ROBO2: variants seen among roughly 807,000 people sequenced by gnomAD.
ROBO2 encodes roundabout homolog 2.
ROBO2 carries 53 observed loss-of-function variants against 160.8 expected under a neutral mutation model. The observed-to-expected ratio is 0.33, with a 90% confidence interval of 0.26 to 0.41. The LOEUF (loss-of-function observed/expected upper bound fraction) is 0.41. Ranked by LOEUF, ROBO2 falls within the 10% of genes least tolerant of loss-of-function variation. The pLI, the probability that ROBO2 is intolerant of heterozygous loss-of-function variation, is 1.00. For missense variants in ROBO2, 1,577 were observed against 1,722.4 expected (o/e 0.92, Z 1.49); for synonymous variants, 664 against 611.7 (o/e 1.09, Z -1.26).
chr3:76,294,518 A>G (rs1708971315), intron 2 of ROBO2, among the ~76,000 whole-genome samples: 1 of 152,056 alleles, frequency 6.6e-6, no homozygotes, highest in Non-Finnish European at 1.5e-5. Context: ...GCTATTTTCC[A>G]TTGAGCTCAT....
intron 2 of ROBO2, among the ~76,000 whole-genome samples, chr3:77,211,646 G>T (rs1183365206): frequency 2.0e-5 from 3 of 152,148 alleles, no homozygotes; most frequent in Non-Finnish European, 4.4e-5. Flanking sequence ...TGAAGTCCTT[G>T]CCCATGCCTA....
chr3:76,398,933 A>G (rs1257928493), intron 2 of ROBO2, among the ~76,000 whole-genome samples: 2 of 151,794 alleles, frequency 1.3e-5, no homozygotes, highest in Non-Finnish European at 2.9e-5. Context: ...CTTACCATGT[A>G]GGACAATAAT....
chr3:77,610,228 G>C lies in ROBO2; in HGVS notation c.3293+2274G>C, dbSNP rs2094601925. On this transcript the variant is annotated intron_variant, in intron 21 of 25. Coordinates refer to ENST00000461745, the Ensembl canonical transcript of ROBO2. ...AGTCAAAAAAGAAATCTTCAGAATTGATCTTCTAGAAAATTTTTCTATAAT... is the reference window on the plus strand; with the variant it reads ...AGTCAAAAAAGAAATCTTCAGAATTCATCTTCTAGAAAATTTTTCTATAAT... Among the ~76,000 whole-genome samples, 3 of 151,904 alleles carry C rather than the reference G, an allele frequency of 2.0e-5. No homozygotes were observed. The South Asian group carries it at 6.2e-4, about 32-fold the overall frequency.
chr3:77,513,638 ATTTAC>A (rs2089668054), intron 5 of ROBO2, among the ~76,000 whole-genome samples: 1 of 151,806 alleles, frequency 6.6e-6, no homozygotes, highest in African/African-American at 2.4e-5. Flanking sequence ...ATTAAAATAA[ATTTAC>A]TTTGTTTTGT....
chr3:75,997,414 T>C (rs1369946319), intron 2 of ROBO2, among the ~76,000 whole-genome samples: 1 of 152,190 alleles, frequency 6.6e-6, no homozygotes, highest in East Asian at 1.9e-4. Context: ...AAAAGAACTT[T>C]TGGAAATAAT....
intron 2 of ROBO2, among the ~76,000 whole-genome samples, chr3:77,118,635 A>G (rs549154487): frequency 6.6e-6 from 1 of 152,206 alleles, no homozygotes; most frequent in Non-Finnish European, 1.5e-5. Context: ...AATGACATGT[A>G]TTATAAACTA....
chr3:75,925,126 CTCATTCATGTCA>C (rs890695242), intron 1 of ROBO2, among the ~76,000 whole-genome samples: 1 of 152,032 alleles, frequency 6.6e-6, no homozygotes, highest in African/African-American at 2.4e-5. Context: ...GGCACGATGG[CTCATTCATGTCA>C]TCCCAGCACT....
chr3:76,341,417 C>T (rs1035120293), intron 2 of ROBO2, among the ~76,000 whole-genome samples: 7 of 58,054 alleles, frequency 1.2e-4, no homozygotes, highest in South Asian at 4.1e-4. Flanking sequence ...TTTTTTAAAG[C>T]GTAAAAAAAA....
intron 2 of ROBO2, among the ~76,000 whole-genome samples, chr3:76,176,795 A>G (rs1379644259): frequency 6.6e-6 from 1 of 152,162 alleles, no homozygotes; most frequent in Non-Finnish European, 1.5e-5. Context: ...AATAAAGGCC[A>G]TTATTAACAG....
At position 76,783,285 on chromosome 3, in the gene ROBO2, G is replaced by T. The variant is rs141021716; in HGVS notation, c.110-314729G>T. 9.2e-3 allele frequency among the ~76,000 whole-genome samples: 1,392 copies of T among 150,842 alleles called. 23 individuals are homozygous for T. Among genetic ancestry groups the T allele is most frequent in the African/African-American group, 0.032 (1,307 of 41,340 alleles). On this transcript the variant is annotated intron_variant, in intron 2 of 26. Transcript: ENST00000487694. The stretch of plus-strand genomic sequence containing the variant: ...TTTGCCTTTTAACTTTCATAGTAGA[G>T]TTAAAAGTAATTTGTGCAACATAAT...
intron 2 of ROBO2, among the ~76,000 whole-genome samples, chr3:77,343,190 T>C (rs540054323): frequency 4.2e-4 from 64 of 152,114 alleles, no homozygotes; most frequent in African/African-American, 1.5e-3. Context: ...ACATTGGGGG[T>C]TAGGGCTTTA....
intron 23 of ROBO2, among the ~76,000 whole-genome samples, chr3:77,628,900 C>A (rs1431927770): frequency 6.6e-6 from 1 of 152,174 alleles, no homozygotes; most frequent in Non-Finnish European, 1.5e-5. Flanking sequence ...ATTCTGAAGT[C>A]ATCTATCTAG....
intron 9 of ROBO2, among the ~76,000 whole-genome samples, chr3:77,559,137 A>G (rs930231761): frequency 6.6e-6 from 1 of 152,170 alleles, no homozygotes; most frequent in Admixed American, 6.6e-5. Flanking sequence ...GCTTCCTCCA[A>G]GTCAGCAAGG....
chr3:76,039,488 A>T (rs550197971), intron 2 of ROBO2, among the ~76,000 whole-genome samples: 1 of 152,104 alleles, frequency 6.6e-6, no homozygotes, highest in Admixed American at 6.5e-5. Context: ...TGATGAAAAC[A>T]TCTGTTTCCT....
chr3:77,618,040 G>T (rs2094820150), intron 22 of ROBO2: 1 of 473,740 alleles, frequency 2.1e-6, no homozygotes, highest in Non-Finnish European at 3.8e-6. Context: ...ACTAGAGCAA[G>T]AATTCAAATC....
At chr3:76,937,342 G>A (rs553477247) in intron 2 of ROBO2, among the ~76,000 whole-genome samples, 1 of 123,706 alleles carries the variant, frequency 8.1e-6, no homozygotes, top group African/African-American at 3.0e-5. Context: ...AACTTCCAGG[G>A]TTTTTGTTTT....
At chr3:77,444,644 C>G (rs1581995690) in intron 2 of ROBO2, among the ~76,000 whole-genome samples, 1 of 152,126 alleles carries the variant, frequency 6.6e-6, no homozygotes, top group East Asian at 1.9e-4. Flanking sequence ...ATTGACATCT[C>G]TACATAAAGC....
chr3:76,708,122 T>A (rs934565979), intron 2 of ROBO2, among the ~76,000 whole-genome samples: 4 of 152,172 alleles, frequency 2.6e-5, no homozygotes, highest in Non-Finnish European at 5.9e-5. Flanking sequence ...CTGAAATTGC[T>A]GTCTATTCAA....
At chr3:76,649,339 C>T (rs762372455) in intron 2 of ROBO2, among the ~76,000 whole-genome samples, 50 of 152,102 alleles carry the variant, frequency 3.3e-4, no homozygotes, top group Non-Finnish European at 6.3e-4. Context: ...CACTGCTACT[C>T]CAGCGATTTC....
Sources: gnomAD v4.1 joint callset for allele counts (sites outside exome capture counted in the v4.1 genomes callset) on GRCh38, gnomAD v4.1.1 for gene constraint, MANE v1.5 for transcripts, NCBI Gene and HGNC (gene_info 2026-07-23, HGNC 2026-07-21) for gene names.